XAB2: variants seen among roughly 807,000 people sequenced by gnomAD.
XAB2 encodes pre-mRNA-splicing factor SYF1.
XAB2 carries 57 observed loss-of-function variants against 113.4 expected under a neutral mutation model. That is an observed-to-expected ratio of 0.50 (90% CI 0.41 to 0.63). The LOEUF (loss-of-function observed/expected upper bound fraction) is 0.63. XAB2 is among the 20% of genes least tolerant of loss of function. The pLI, the probability that XAB2 is intolerant of heterozygous loss-of-function variation, is 0.00. For missense variants in XAB2, 1,037 were observed against 1,233.3 expected (o/e 0.84, Z 2.38); for synonymous variants, 497 against 498.8 (o/e 1.00, Z 0.05).
In XAB2 at chr19:7,623,046, C is replaced by A; in HGVS notation, c.1239+124G>T. 6.5e-7 allele frequency: 1 copy of A among 1,538,090 alleles called. No individual in the cohort carries two copies. Among genetic ancestry groups the A allele is most frequent in the East Asian group, 2.3e-5 (1 of 42,940 alleles). ...CACATGCGTGCACATATGCATGCAC[C>A]CAAATGCACATGCACACACACGTGC... On this transcript the variant is annotated intron_variant, in intron 9 of 18. Coordinates refer to ENST00000358368, the MANE Select transcript of XAB2 (RefSeq NM_020196.3). The surrounding 1 kb of genome is among the most constrained non-coding windows in gnomAD (Gnocchi z 4.6).
At position 7,626,142 on chromosome 19, in the gene XAB2, G is replaced by A; in HGVS notation, c.651C>T (p.Asn217=). The change falls in exon 5 of 19, where the codon AAC becomes AAT. Residue 217 remains asparagine (N), a synonymous_variant. Transcript: ENST00000358368. The part of the protein sequence containing the change: ...ERFVSKAGKS[N]YQLWHELCDL... ...CGGCTCCCGGCAGGCCCACCTGGTA[G>A]TTGGACTTGCCGGCCTTAGACACGA... The A allele has an allele frequency of 6.2e-7, 1 of 1,613,646 alleles. No homozygotes were observed. Among genetic ancestry groups the A allele is most frequent in the Non-Finnish European group, 8.5e-7 (1 of 1,179,960 alleles).
Position 7,624,400 on chromosome 19 carries a change from G to A in XAB2, c.868C>T (p.Arg290Trp), listed in dbSNP as rs1358573493. The A allele has an allele frequency of 3.7e-6, 6 of 1,614,022 alleles. No homozygotes were observed. The highest frequency in any genetic ancestry group is 2.2e-5 in the South Asian group (2 of 91,084). ...EEAIRTVMTV[R>W]DFTQVFDSYA... The stretch of plus-strand genomic sequence containing the variant: ...CTGTCAAACACCTGTGTGAAGTCCC[G>A]CACGGTCATCACTGTCCGGATGGCC... Residue 290 changes from arginine to tryptophan, a missense_variant, in exon 7 of 19, where the codon CGG (arginine) becomes TGG (tryptophan). By Grantham distance (101) the Arg-to-Trp change is moderately radical (BLOSUM62 -3). Transcript: ENST00000358368. This position sits in a 1 kb window ranked among gnomAD's most constrained non-coding sequence, Gnocchi z 4.2.
Position 7,623,019 on chromosome 19 carries a change from C to A in XAB2, c.1240-126G>T. 1.9e-6 allele frequency: 3 copies of A among 1,541,372 alleles called. No homozygotes were observed. The highest frequency in any genetic ancestry group is 1.4e-5 in the African/African-American group (1 of 73,620). On this transcript the variant is annotated intron_variant, in intron 9 of 18. Transcript: ENST00000358368. The surrounding 1 kb of genome is among the most constrained non-coding windows in gnomAD (Gnocchi z 4.6). ...AAACACACAGGCACACACACAGGCACACACATGCGTGCACATATGCATGCA... is the reference window on the plus strand; with the variant it reads ...AAACACACAGGCACACACACAGGCAAACACATGCGTGCACATATGCATGCA...
chr19:7,620,143 C>T, intron 16 of XAB2, 68 bp from the exon 17 acceptor site: 1 of 1,594,776 alleles, frequency 6.3e-7, no homozygotes, highest in Non-Finnish European at 8.5e-7. Flanking sequence ...TGCACTATCC[C>T]AGTCCCCCAG....
At position 7,622,349 on chromosome 19, in the gene XAB2, G is replaced by A. The variant is rs369467050; in HGVS notation, c.1599C>T (p.Tyr533=). The A allele has an allele frequency of 1.1e-5, 17 of 1,614,056 alleles. No individual in the cohort carries two copies. The highest frequency in any genetic ancestry group is 1.4e-5 in the Non-Finnish European group (17 of 1,180,038). Residue 533 remains tyrosine (Y), a synonymous_variant, in exon 12 of 19, where the codon TAC becomes TAT. Coordinates refer to ENST00000358368, the MANE Select transcript of XAB2 (RefSeq NM_020196.3). The part of the protein sequence containing the change: ...NYAMFLEEHK[Y]FEESFKAYER... ...CCCTCACCTTGAAGCTCTCCTCGAA[G>A]TACTTGTGCTCCTCCAGGAACATGG...
At position 7,626,119 on chromosome 19, in the gene XAB2, G is replaced by T; in HGVS notation, c.657+17C>A. On this transcript the variant is annotated intron_variant, in intron 5 of 18. Coordinates refer to ENST00000358368, the MANE Select transcript of XAB2 (RefSeq NM_020196.3). The stretch of plus-strand genomic sequence containing the variant: ...GGGTGGCCCTCCCACCCAGTTGCCG[G>T]CTCCCGGCAGGCCCACCTGGTAGTT... The T allele has an allele frequency of 1.2e-6, 2 of 1,613,064 alleles. No individual in the cohort carries two copies. Among genetic ancestry groups the T allele is most frequent in the South Asian group, 1.1e-5 (1 of 91,040 alleles).
chr19:7,624,541 G>T lies in XAB2; in HGVS notation c.823-96C>A. On this transcript the variant is annotated intron_variant, in intron 6 of 18. Transcript: ENST00000358368. The surrounding 1 kb of genome is among the most constrained non-coding windows in gnomAD (Gnocchi z 4.2). ...CAGCCTCAATGTGGAACCCCTGGGG[G>T]CCTTCTGGGTAGTGACGCATCCAGC... 1 of 1,573,418 alleles carries T rather than the reference G, an allele frequency of 6.4e-7. No homozygotes were observed. The highest frequency in any genetic ancestry group is 1.1e-5 in the South Asian group (1 of 88,476).
chr19:7,625,169 C>T lies in XAB2; in HGVS notation c.822+711G>A, dbSNP rs989931440. 6.6e-6 allele frequency among the ~76,000 whole-genome samples: 1 copy of T among 152,238 alleles called. No individual in the cohort carries two copies. The highest frequency in any genetic ancestry group is 1.5e-5 in the Non-Finnish European group (1 of 68,042). ...CCCCCAGGCCATCCCCTGAGCTTGC[C>T]ACTCCACTGCCTGCCAAGAGCCACA... On this transcript the variant is annotated intron_variant, in intron 6 of 18. Transcript: ENST00000358368. The surrounding 1 kb of genome is among the most constrained non-coding windows in gnomAD (Gnocchi z 5.2).
rs751560517 is a variant in XAB2 at position 7,626,122 on chromosome 19, C to T, written c.657+14G>A. ...TGGCCCTCCCACCCAGTTGCCGGCT[C>T]CCGGCAGGCCCACCTGGTAGTTGGA... On this transcript the variant is annotated intron_variant, in intron 5 of 18. Coordinates refer to ENST00000358368, the MANE Select transcript of XAB2 (RefSeq NM_020196.3). 3 of 1,613,106 alleles carry T rather than the reference C, an allele frequency of 1.9e-6. No homozygotes were observed. The highest frequency in any genetic ancestry group is 2.2e-5 in the East Asian group (1 of 44,896).
chr19:7,626,385 A>T, intron 4 of XAB2, 115 bp from the exon 5 acceptor site: 1 of 1,460,746 alleles, frequency 6.8e-7, no homozygotes, highest in African/African-American at 1.4e-5. Context: ...CTTGGGCAAA[A>T]GCAAGCCCTG....
Position 7,624,162 on chromosome 19 carries a change from C to A in XAB2, c.967+139G>T. The A allele has an allele frequency of 1.4e-6, 2 of 1,395,436 alleles. No individual in the cohort carries two copies. Among genetic ancestry groups the A allele is most frequent in the South Asian group, 2.6e-5 (2 of 77,264 alleles). The allele number at this position is 1,395,436 out of a possible 1,614,324, so 86.4% of individuals were successfully genotyped here. On this transcript the variant is annotated intron_variant, in intron 7 of 18. Coordinates refer to ENST00000358368, the MANE Select transcript of XAB2 (RefSeq NM_020196.3). The surrounding 1 kb of genome is among the most constrained non-coding windows in gnomAD (Gnocchi z 4.2). Reference sequence around the variant, plus strand: ...CCTGGCTCCTTCAAGACCCCCACACCCCCTGCATCCACTCAGCCTCCTTCC... The same window carrying A: ...CCTGGCTCCTTCAAGACCCCCACACACCCTGCATCCACTCAGCCTCCTTCC...
chr19:7,624,597 T>A lies in XAB2; in HGVS notation c.823-152A>T. The A allele has an allele frequency of 8.2e-7, 1 of 1,219,820 alleles. No individual in the cohort carries two copies. Among genetic ancestry groups the A allele is most frequent in the Non-Finnish European group, 1.1e-6 (1 of 879,686 alleles). The allele number at this position is 1,219,820 out of a possible 1,614,324, so 75.6% of individuals were successfully genotyped here. ...TGGGTAGTGACCCCAGGACAGAGCC[T>A]CCGTGGAGCCTTCTCACCCCCGCCC... On this transcript the variant is annotated intron_variant, in intron 6 of 18. Transcript: ENST00000358368. The surrounding 1 kb of genome is among the most constrained non-coding windows in gnomAD (Gnocchi z 4.2).
rs878920216 is a variant in XAB2 at position 7,624,239 on chromosome 19, C to T, written c.967+62G>A. The stretch of plus-strand genomic sequence containing the variant: ...GGGCTGCCTCACCTGAGATGTGTCC[C>T]GCCCCTACCGCTAATGTCCACTCAG... On this transcript the variant is annotated intron_variant, in intron 7 of 18. Coordinates refer to ENST00000358368, the MANE Select transcript of XAB2 (RefSeq NM_020196.3). The surrounding 1 kb of genome is among the most constrained non-coding windows in gnomAD (Gnocchi z 4.2). The T allele has an allele frequency of 1.7e-5, 27 of 1,601,540 alleles. No homozygotes were observed. The South Asian group carries it at 1.8e-4, about 10-fold the overall frequency.
In XAB2 at chr19:7,627,168, C is replaced by T. The variant is rs1914504006; in HGVS notation, c.522+75G>A. ...CACATCCCGTCTGCTGGGTGACATC[C>T]TACGCGGAGCTAGTGTCACAGTGAG... On this transcript the variant is annotated intron_variant, in intron 4 of 18. Transcript: ENST00000358368. This position sits in a 1 kb window ranked among gnomAD's most constrained non-coding sequence, Gnocchi z 4.5. The T allele has an allele frequency of 6.5e-7, 1 of 1,527,576 alleles. No homozygotes were observed. Among genetic ancestry groups the T allele is most frequent in the Non-Finnish European group, 8.9e-7 (1 of 1,117,944 alleles). The allele number at this position is 1,527,576 out of a possible 1,614,324, so 94.6% of individuals were successfully genotyped here.
chr19:7,629,458 G>A lies in XAB2; in HGVS notation c.51+19C>T, dbSNP rs1305390132. Reference sequence around the variant, plus strand: ...CAATGCCCCAACGCAGGCCACCCCCGGCTCCTCTGTGGACTCACGAAGACA... The same window carrying A: ...CAATGCCCCAACGCAGGCCACCCCCAGCTCCTCTGTGGACTCACGAAGACA... On this transcript the variant is annotated intron_variant, in intron 1 of 18. Coordinates refer to ENST00000358368, the MANE Select transcript of XAB2 (RefSeq NM_020196.3). 8.8e-6 allele frequency: 14 copies of A among 1,587,942 alleles called. No individual in the cohort carries two copies. The Admixed American group carries it at 2.1e-4, about 24-fold the overall frequency.
chr19:7,624,481 G>C lies in XAB2; in HGVS notation c.823-36C>G. 6.2e-7 allele frequency: 1 copy of C among 1,613,162 alleles called. No homozygotes were observed. The highest frequency in any genetic ancestry group is 8.5e-7 in the Non-Finnish European group (1 of 1,179,904). ...CCAGGGAAGGGGAGGTGAGAGGAAA[G>C]TGGCGCAGGGGACAGGCAGCAGCAC... On this transcript the variant is annotated intron_variant, in intron 6 of 18. Coordinates refer to ENST00000358368, the MANE Select transcript of XAB2 (RefSeq NM_020196.3). This position sits in a 1 kb window ranked among gnomAD's most constrained non-coding sequence, Gnocchi z 4.2.
rs575698187 is a variant in XAB2, at chr19:7,620,173, G to A, written c.2267-98C>T. The A allele has an allele frequency of 1.6e-4, 257 of 1,594,794 alleles. 1 individual carries two copies. The African/African-American group carries it at 3.1e-3, about 19-fold the overall frequency. On this transcript the variant is annotated intron_variant, in intron 16 of 18. Transcript: ENST00000358368. Reference sequence around the variant, plus strand: ...CCCCAGGTGATGGCCCAGCCCTCAAGGAGATTGCCATCAGGATCCGAGGCT... The same window carrying A: ...CCCCAGGTGATGGCCCAGCCCTCAAAGAGATTGCCATCAGGATCCGAGGCT...
In XAB2 at chr19:7,627,541, C is replaced by T; in HGVS notation, c.325-101G>A. 2 of 1,520,846 alleles carry T rather than the reference C, an allele frequency of 1.3e-6. No homozygotes were observed. Among genetic ancestry groups the T allele is most frequent in the South Asian group, 1.2e-5 (1 of 83,462 alleles). The allele number at this position is 1,520,846 out of a possible 1,614,324, so 94.2% of individuals were successfully genotyped here. A position where few individuals can be genotyped will look rare whatever the true frequency, so the allele number is the denominator to read the frequency against. On this transcript the variant is annotated intron_variant, in intron 3 of 18. Transcript: ENST00000358368. The surrounding 1 kb of genome is among the most constrained non-coding windows in gnomAD (Gnocchi z 4.5). The stretch of plus-strand genomic sequence containing the variant: ...GGCTGAGCCACACCTGGGGCCACCA[C>T]ATAAATGCGGCGGGACCCAGAAACC...
In XAB2 at chr19:7,620,478, T is replaced by C. The variant is rs770034942; in HGVS notation, c.2095-32A>G. 52 of 1,608,298 alleles carry C rather than the reference T, an allele frequency of 3.2e-5. No individual in the cohort carries two copies. The South Asian group carries it at 5.2e-4, about 16-fold the overall frequency. ...GGGGGGCAGGGCAGGGGTGGGTGTG[T>C]GTGCCCGTGAGCTGGCTGACTCCGC... On this transcript the variant is annotated intron_variant, in intron 15 of 18. Coordinates refer to ENST00000358368, the MANE Select transcript of XAB2 (RefSeq NM_020196.3).
Sources: gnomAD v4.1 joint callset for allele counts (sites outside exome capture counted in the v4.1 genomes callset) on GRCh38, gnomAD v4.1.1 for gene constraint, Gnocchi (gnomAD v3.1) non-coding constraint, MANE v1.5 for transcripts, NCBI Gene and HGNC (gene_info 2026-07-23, HGNC 2026-07-21) for gene names.